The following ASIC2 variants were observed in gnomAD, a reference collection of about 807,000 sequenced individuals.
ASIC2 encodes acid-sensing ion channel 2.
ASIC2 carries 25 observed loss-of-function variants against 57.3 expected under a neutral mutation model. The ratio of observed to expected loss-of-function variants is 0.44; its 90% CI spans 0.32 to 0.61. The LOEUF is 0.61. Among genes scored for constraint, ASIC2 ranks in the 20% least tolerant of loss-of-function variants. The pLI, the probability that ASIC2 is intolerant of heterozygous loss-of-function variation, is 0.06. For missense variants in ASIC2, 641 were observed against 738.1 expected (o/e 0.87, Z 1.52); for synonymous variants, 319 against 307.5 (o/e 1.04, Z -0.39).
chr17:33,578,102 A>G (rs1423664502), intron 1 of ASIC2, among the ~76,000 whole-genome samples: 1 of 152,188 alleles, frequency 6.6e-6, no homozygotes, highest in Non-Finnish European at 1.5e-5. Flanking sequence ...CAGCTGACTT[A>G]TAAGACACCT....
chr17:33,824,229 G>C (rs1042923630), intron 1 of ASIC2, among the ~76,000 whole-genome samples: 3 of 152,090 alleles, frequency 2.0e-5, no homozygotes, highest in Non-Finnish European at 2.9e-5. Flanking sequence ...TATATACTAA[G>C]ATTGGAAGCA....
chr17:33,615,156 T>C (rs1292867295), intron 1 of ASIC2, among the ~76,000 whole-genome samples: 2 of 152,246 alleles, frequency 1.3e-5, no homozygotes, highest in Admixed American at 1.3e-4. Flanking sequence ...ACAGTCAATC[T>C]TGTATATAAA....
At chr17:33,531,933 A>G (rs1349608302) in intron 1 of ASIC2, among the ~76,000 whole-genome samples, 2 of 152,184 alleles carry the variant, frequency 1.3e-5, no homozygotes, top group African/African-American at 4.8e-5. Context: ...GGCCACATGG[A>G]AAGGGAAAAG....
chr17:33,993,432 C>T (rs1368841981), intron 1 of ASIC2, among the ~76,000 whole-genome samples: 2 of 152,204 alleles, frequency 1.3e-5, no homozygotes, highest in African/African-American at 4.8e-5. Context: ...TGCCATGCGC[C>T]TCCCTGCACA....
chr17:33,696,285 G>A (rs1050245925), intron 1 of ASIC2, among the ~76,000 whole-genome samples: 3 of 152,232 alleles, frequency 2.0e-5, no homozygotes, highest in Admixed American at 1.3e-4. Flanking sequence ...GACTGACCCA[G>A]CTGGGGGTGG....
chr17:33,260,978 A>C (rs1331506215), intron 1 of ASIC2, among the ~76,000 whole-genome samples: 2 of 152,148 alleles, frequency 1.3e-5, no homozygotes, highest in African/African-American at 4.8e-5. Context: ...TCCAACAAAC[A>C]TTCTGATTTC....
intron 1 of ASIC2, among the ~76,000 whole-genome samples, chr17:33,505,827 G>A (rs62055336): frequency 0.31 from 46,943 of 152,080 alleles, 9,086 homozygotes; most frequent in Non-Finnish European, 0.43. Context: ...GAAGCCTTTC[G>A]GGAGCTCAAG....
intron 1 of ASIC2, among the ~76,000 whole-genome samples, chr17:33,932,098 C>T (rs534796761): frequency 2.5e-4 from 38 of 152,242 alleles, no homozygotes; most frequent in African/African-American, 3.8e-4. Context: ...TCAATTCCAA[C>T]GCCACCTTCC....
At chr17:33,401,416 C>T (rs566416398) in intron 1 of ASIC2, among the ~76,000 whole-genome samples, 1 of 152,298 alleles carries the variant, frequency 6.6e-6, no homozygotes, top group East Asian at 1.9e-4. Context: ...CCTTTGCCTC[C>T]ATGCCCTTCT....
At position 33,611,809 on chromosome 17, in the gene ASIC2, A is replaced by G. The variant is rs567322013; in HGVS notation, c.556-499742T>C. ...GGCCAACTCAATGGGGTGGAGGAAT[A>G]TTCTCTGGTTGCTCTAGTGGGAAGT... is the stretch of plus-strand genomic sequence containing the variant. On this transcript the variant is annotated intron_variant, in intron 1 of 9. Coordinates refer to the ASIC2 transcript ENST00000359872. Among the ~76,000 whole-genome samples the G allele has an allele frequency of 3.3e-5, 5 of 152,368 alleles. No individual in the cohort carries two copies. In the South Asian group the frequency reaches 1.0e-3, roughly 32 times the overall value.
At chr17:34,033,151 T>G (rs1460878620) in intron 1 of ASIC2, among the ~76,000 whole-genome samples, 6 of 151,882 alleles carry the variant, frequency 4.0e-5, no homozygotes, top group African/African-American at 1.5e-4. Context: ...GAACAGAAAT[T>G]ATAACAAACT....
chr17:33,867,366 A>G (rs930411034), intron 1 of ASIC2, among the ~76,000 whole-genome samples: 1 of 152,220 alleles, frequency 6.6e-6, no homozygotes, highest in African/African-American at 2.4e-5. Context: ...TAGAATTTTC[A>G]CAATAACTAG....
chr17:34,151,326 G>T (rs890672286), intron 1 of ASIC2, among the ~76,000 whole-genome samples: 1 of 152,190 alleles, frequency 6.6e-6, no homozygotes, highest in Non-Finnish European at 1.5e-5. Context: ...TCTGGAGGGG[G>T]TGGGAAATGG....
chr17:33,968,885 A>T (rs1455389119), intron 1 of ASIC2, among the ~76,000 whole-genome samples: 1 of 152,230 alleles, frequency 6.6e-6, no homozygotes, highest in Non-Finnish European at 1.5e-5. Flanking sequence ...CAACTTCCCC[A>T]AGGGGACAGG....
intron 1 of ASIC2, among the ~76,000 whole-genome samples, chr17:34,020,670 C>T (rs1391174327): frequency 6.6e-6 from 1 of 152,136 alleles, no homozygotes; most frequent in Non-Finnish European, 1.5e-5. Context: ...CTGACAACCT[C>T]AAGAAAATGA....
At chr17:33,269,611 T>TTCCCTTCCC (rs1387527396) in intron 1 of ASIC2, among the ~76,000 whole-genome samples, 1 of 113,062 alleles carries the variant, frequency 8.8e-6, no homozygotes, top group African/African-American at 3.2e-5. Context: ...TAAGGGCTCC[T>TTCCCTTCCC]TCCCTTCCTT....
At chr17:33,967,287 G>A (rs1597953666) in intron 1 of ASIC2, among the ~76,000 whole-genome samples, 1 of 152,086 alleles carries the variant, frequency 6.6e-6, no homozygotes, top group Non-Finnish European at 1.5e-5. Context: ...CTAGGCTGGA[G>A]TACAGTGGTA....
intron 1 of ASIC2, among the ~76,000 whole-genome samples, chr17:33,224,012 T>C (rs1288939956): frequency 1.3e-5 from 2 of 152,200 alleles, no homozygotes; most frequent in East Asian, 1.9e-4. Context: ...TCCATTTGAT[T>C]TCTTTTCAAG....
At chr17:33,658,791 T>A (rs1907156621) in intron 1 of ASIC2, among the ~76,000 whole-genome samples, 2 of 152,094 alleles carry the variant, frequency 1.3e-5, no homozygotes, top group South Asian at 4.2e-4. Flanking sequence ...AGGCCAGTAG[T>A]TTGAGACCAG....
Sources: gnomAD v4.1 joint callset for allele counts (sites outside exome capture counted in the v4.1 genomes callset) on GRCh38, gnomAD v4.1.1 for gene constraint, MANE v1.5 for transcripts, NCBI Gene and HGNC (gene_info 2026-07-23, HGNC 2026-07-21) for gene names.